Variants in CTNNA2 observed in about 807,000 individuals in gnomAD.
CTNNA2 encodes catenin alpha-2.
Under a neutral mutation model 101.0 loss-of-function variants are expected in CTNNA2, and 42 were observed. That is an observed-to-expected ratio of 0.42 (90% CI 0.32 to 0.54). The LOEUF is 0.54. Among genes scored for constraint, CTNNA2 ranks in the 20% least tolerant of loss-of-function variants. The pLI, the probability that CTNNA2 is intolerant of heterozygous loss-of-function variation, is 0.14. For missense variants in CTNNA2, 871 were observed against 1,223.1 expected (o/e 0.71, Z 4.29); for synonymous variants, 450 against 456.4 (o/e 0.99, Z 0.18).
At position 80,544,950 on chromosome 2, in the gene CTNNA2, C is replaced by T. The variant is rs555951519; in HGVS notation, c.1291-32C>T. 1.2e-4 allele frequency: 189 copies of T among 1,590,898 alleles called. 3 individuals carry two copies. The East Asian group carries it at 4.1e-3, about 34-fold the overall frequency. On this transcript the variant is annotated intron_variant, in intron 9 of 18. Coordinates refer to ENST00000402739, the MANE Select transcript of CTNNA2 (RefSeq NM_001282597.3). ...ACAGTATACTTTCCCTTTGCCCCAA[C>T]CTAATATTCACTAAAATCCTCTTCA...
intron 7 of CTNNA2, among the ~76,000 whole-genome samples, chr2:79,942,108 C>T (rs1239460261): frequency 8.5e-5 from 13 of 152,128 alleles, no homozygotes; most frequent in Admixed American, 8.5e-4. Flanking sequence ...ATCATCACCC[C>T]AACAGGATGG....
chr2:79,497,411 G>C (rs906834011), intron 4 of CTNNA2, among the ~76,000 whole-genome samples: 1 of 152,072 alleles, frequency 6.6e-6, no homozygotes, highest in Non-Finnish European at 1.5e-5. Flanking sequence ...GACCCATCTC[G>C]TTCTTAGTAT....
rs755425771 is a variant in CTNNA2, at chr2:80,036,842, TGTGTGTGAGAGA to T, written c.1056+127047_1056+127058del. Among the ~76,000 whole-genome samples, 329 of 79,786 alleles carry T rather than the reference TGTGTGTGAGAGA, an allele frequency of 4.1e-3. 1 individual carries two copies. Among genetic ancestry groups the T allele is most frequent in the African/African-American group, 6.0e-3 (152 of 25,348 alleles). The allele number at this position is 79,786 out of a possible 152,430, so 52.3% of individuals were successfully genotyped here. A position where few individuals can be genotyped will look rare whatever the true frequency, so the allele number is the denominator to read the frequency against. Reference sequence around the variant, plus strand: ...GTGTGTTTGTGTGTGTGTGTGTGTGTGTGTGTGAGAGAGAGAGAGAGAGAGAGAGAGAGAGAA... The same window carrying T: ...GTGTGTTTGTGTGTGTGTGTGTGTGTGAGAGAGAGAGAGAGAGAGAGAGAA... On this transcript the variant is annotated intron_variant, in intron 7 of 18. Coordinates refer to ENST00000402739, the MANE Select transcript of CTNNA2 (RefSeq NM_001282597.3).
intron 2 of CTNNA2, among the ~76,000 whole-genome samples, chr2:79,718,414 A>C (rs1478439769): frequency 6.6e-6 from 1 of 152,208 alleles, no homozygotes; most frequent in Non-Finnish European, 1.5e-5. Flanking sequence ...TAGTTCTAAA[A>C]ATTTTATTTC....
intron 2 of CTNNA2, among the ~76,000 whole-genome samples, chr2:79,718,098 G>A (rs1038931080): frequency 2.0e-5 from 3 of 152,068 alleles, no homozygotes; most frequent in African/African-American, 7.2e-5. Context: ...TTACATAAAA[G>A]GGAAAAGAAA....
At chr2:79,656,528 A>G (rs1681623844) in intron 2 of CTNNA2, among the ~76,000 whole-genome samples, 1 of 152,164 alleles carries the variant, frequency 6.6e-6, no homozygotes, top group Admixed American at 6.5e-5. Flanking sequence ...GAAAAATGAC[A>G]TTAGGAATTT....
At chr2:79,776,886 T>G (rs1262347649) in intron 3 of CTNNA2, 2 of 152,198 alleles carry the variant, frequency 1.3e-5, no homozygotes, top group Non-Finnish European at 2.9e-5. Flanking sequence ...TATGTTTCTT[T>G]CTGAGGAGCT....
intron 9 of CTNNA2, among the ~76,000 whole-genome samples, chr2:80,479,653 T>C (rs1394523524): frequency 6.6e-6 from 1 of 152,112 alleles, no homozygotes; most frequent in Non-Finnish European, 1.5e-5. Flanking sequence ...GGAGGAAAGC[T>C]TTCTAAAAGA....
chr2:80,341,525 C>T (rs1163401997), intron 7 of CTNNA2, among the ~76,000 whole-genome samples: 1 of 152,118 alleles, frequency 6.6e-6, no homozygotes, highest in Non-Finnish European at 1.5e-5. Context: ...ACATCATTAC[C>T]CATTAGGGAA....
intron 9 of CTNNA2, among the ~76,000 whole-genome samples, chr2:80,514,354 A>T (rs1688940771): frequency 6.6e-6 from 1 of 151,940 alleles, no homozygotes; most frequent in African/African-American, 2.4e-5. Context: ...GGCATGTTAC[A>T]ATGCTCTCTT....
intron 7 of CTNNA2, among the ~76,000 whole-genome samples, chr2:79,930,300 GAAAGAAAGAA>G (rs754803318): frequency 2.0e-3 from 68 of 34,474 alleles, no homozygotes; most frequent in African/African-American, 7.1e-3. Context: ...GAAAGAGAAA[GAAAGAAAGAA>G]AGAAAGAAAG....
At chr2:79,478,218 G>A (rs143500930) in intron 4 of CTNNA2, among the ~76,000 whole-genome samples, 1 of 152,268 alleles carries the variant, frequency 6.6e-6, no homozygotes, top group African/African-American at 2.4e-5. Context: ...AAAGCAACCA[G>A]CTGCGTGCTC....
At chr2:80,440,909 C>T (rs1307303150) in intron 9 of CTNNA2, among the ~76,000 whole-genome samples, 1 of 152,088 alleles carries the variant, frequency 6.6e-6, no homozygotes, top group Non-Finnish European at 1.5e-5. Flanking sequence ...CATAACTTTC[C>T]ATTGAGAGTC....
chr2:79,834,389 G>T (rs1249638348), intron 3 of CTNNA2, among the ~76,000 whole-genome samples: 2 of 152,078 alleles, frequency 1.3e-5, no homozygotes, highest in Admixed American at 6.6e-5. Context: ...ACTCCTCCCA[G>T]TAGGATATGA....
intron 7 of CTNNA2, among the ~76,000 whole-genome samples, chr2:79,945,341 G>A (rs149094893): frequency 6.2e-4 from 95 of 152,072 alleles, no homozygotes; most frequent in African/African-American, 1.2e-3. Context: ...GTGCTTTGCC[G>A]TTATTTGTTT....
Position 80,619,238 on chromosome 2 carries a change from T to A in CTNNA2, c.2574+10T>A. 1 of 1,533,328 alleles carries A rather than the reference T, an allele frequency of 6.5e-7. No individual in the cohort carries two copies. Among genetic ancestry groups the A allele is most frequent in the African/African-American group, 1.4e-5 (1 of 72,600 alleles). The allele number at this position is 1,533,328 out of a possible 1,614,324, so 95.0% of individuals were successfully genotyped here. ...CAGTGATTCCTCCATGGTGAGTAAA[T>A]TGACTTTCTAATCTAATGTCTTTCA... is the stretch of plus-strand genomic sequence containing the variant. On this transcript the variant is annotated intron_variant, in intron 18 of 18. Transcript: ENST00000402739.
chr2:79,637,958 C>A (rs865777284), intron 1 of CTNNA2, among the ~76,000 whole-genome samples: 1 of 152,188 alleles, frequency 6.6e-6, no homozygotes, highest in Non-Finnish European at 1.5e-5. Context: ...AGTGCCTGAA[C>A]AGTAACTGCT....
intron 1 of CTNNA2, among the ~76,000 whole-genome samples, chr2:79,531,572 T>C (rs1027692760): frequency 6.6e-6 from 1 of 152,246 alleles, no homozygotes; most frequent in South Asian, 2.1e-4. Context: ...CCAAGGACTT[T>C]AGCTTAAGGT....
chr2:79,487,224 A>G (rs965698263), intron 4 of CTNNA2, among the ~76,000 whole-genome samples: 1 of 146,764 alleles, frequency 6.8e-6, no homozygotes, highest in Non-Finnish European at 1.5e-5. Context: ...TAGCAAGTCT[A>G]AGGGAAAGAT....
Sources: gnomAD v4.1 joint callset for allele counts (sites outside exome capture counted in the v4.1 genomes callset) on GRCh38, gnomAD v4.1.1 for gene constraint, MANE v1.5 for transcripts, NCBI Gene and HGNC (gene_info 2026-07-23, HGNC 2026-07-21) for gene names.